CSMD3: variants seen among roughly 807,000 people sequenced by gnomAD.
CSMD3 encodes the protein CUB and sushi domain-containing protein 3.
Under a neutral mutation model 435.2 loss-of-function variants are expected in CSMD3, and 177 were observed. That is an observed-to-expected ratio of 0.41 (90% CI 0.36 to 0.46). The LOEUF (loss-of-function observed/expected upper bound fraction) is 0.46, where lower values mean the gene tolerates loss of function less well. Among genes scored for constraint, CSMD3 ranks in the 20% least tolerant of loss-of-function variants. CSMD3 has a pLI of 0.34. For synonymous variants in CSMD3, 1,656 were observed against 1,520.5 expected, an observed-to-expected ratio of 1.09 and a Z score of -2.07; for missense variants, 4,265 against 4,504.6, an observed-to-expected ratio of 0.95 and a Z score of 1.52.
chr8:113,324,574 G>A (rs1002307305), intron 1 of CSMD3, among the ~76,000 whole-genome samples: 7 of 152,146 alleles, frequency 4.6e-5, no homozygotes, highest in African/African-American at 1.7e-4. Flanking sequence ...GATAACACCT[G>A]GCTGCCCAGC....
intron 10 of CSMD3, among the ~76,000 whole-genome samples, chr8:112,908,277 T>C (rs1002972016): frequency 2.0e-5 from 3 of 151,524 alleles, no homozygotes; most frequent in East Asian, 1.9e-4. Flanking sequence ...TGTGTATACA[T>C]ACATGTCTTT....
chr8:112,824,251 T>C (rs1275255300), intron 12 of CSMD3, among the ~76,000 whole-genome samples: 2 of 152,194 alleles, frequency 1.3e-5, no homozygotes, highest in Non-Finnish European at 2.9e-5. Flanking sequence ...CTTGACTCTT[T>C]ATCCAATTTG....
intron 1 of CSMD3, among the ~76,000 whole-genome samples, chr8:113,381,367 G>A (rs1029845451): frequency 2.6e-5 from 4 of 152,062 alleles, no homozygotes; most frequent in African/African-American, 7.2e-5. Flanking sequence ...AACAGATCTA[G>A]GTTTTTAAAG....
At chr8:112,691,312 T>A (rs1022068705) in intron 13 of CSMD3, among the ~76,000 whole-genome samples, 1 of 152,126 alleles carries the variant, frequency 6.6e-6, no homozygotes, top group Non-Finnish European at 1.5e-5. Context: ...GGTCTATAAC[T>A]TTTTTCTTCT....
intron 61 of CSMD3, among the ~76,000 whole-genome samples, chr8:112,262,793 A>C (rs1158305917): frequency 6.6e-6 from 1 of 152,074 alleles, no homozygotes; most frequent in Non-Finnish European, 1.5e-5. Flanking sequence ...GATATGATGA[A>C]ATCAGAGGAA....
At chr8:112,318,035 C>T (rs1005314205) in intron 47 of CSMD3, among the ~76,000 whole-genome samples, 4 of 152,042 alleles carry the variant, frequency 2.6e-5, no homozygotes, top group African/African-American at 7.2e-5. Context: ...GTTTTTTGAA[C>T]ATCACAGCTT....
intron 11 of CSMD3, among the ~76,000 whole-genome samples, chr8:112,839,533 C>A (rs889752417): frequency 1.3e-5 from 2 of 151,546 alleles, no homozygotes. Flanking sequence ...GAAGAAAATC[C>A]TTGCAGATAA....
intron 27 of CSMD3, among the ~76,000 whole-genome samples, chr8:112,544,117 A>C (rs942285660): frequency 1.3e-5 from 2 of 152,186 alleles, no homozygotes; most frequent in Non-Finnish European, 2.9e-5. Flanking sequence ...ATTTCAGTTT[A>C]GCAATATAAA....
intron 3 of CSMD3, among the ~76,000 whole-genome samples, chr8:113,277,737 G>A (rs903901485): frequency 6.6e-6 from 1 of 151,770 alleles, no homozygotes; most frequent in Non-Finnish European, 1.5e-5. Flanking sequence ...ATCCCTATGG[G>A]GAAGAAAAGG....
intron 42 of CSMD3, among the ~76,000 whole-genome samples, chr8:112,339,066 A>C (rs917930533): frequency 5.9e-5 from 9 of 151,932 alleles, no homozygotes; most frequent in Non-Finnish European, 1.2e-4. Flanking sequence ...GAAAACCCTA[A>C]CTTTCCACAA....
intron 10 of CSMD3, among the ~76,000 whole-genome samples, chr8:112,918,061 A>G (rs150035719): frequency 6.6e-6 from 1 of 152,066 alleles, no homozygotes; most frequent in East Asian, 1.9e-4. Flanking sequence ...ACTTGTAAAC[A>G]AGTCTATTAT....
intron 28 of CSMD3, among the ~76,000 whole-genome samples, chr8:112,515,644 T>A (rs1823592102): frequency 6.6e-6 from 1 of 152,034 alleles, no homozygotes; most frequent in Non-Finnish European, 1.5e-5. Flanking sequence ...TACAGCTAAA[T>A]CTGAACTGTT....
chr8:112,825,911 C>T (rs1233884560), intron 12 of CSMD3, among the ~76,000 whole-genome samples: 1 of 151,836 alleles, frequency 6.6e-6, no homozygotes, highest in African/African-American at 2.4e-5. Flanking sequence ...TCTGGTCTGC[C>T]TGGATTGCCC....
intron 13 of CSMD3, among the ~76,000 whole-genome samples, chr8:112,697,405 G>T (rs947919346): frequency 4.4e-4 from 67 of 152,190 alleles, no homozygotes; most frequent in Middle Eastern, 6.8e-3. Flanking sequence ...CCATAAAAAA[G>T]GATGAGTTCA....
chr8:113,413,106 C>A (rs1250950649), intron 1 of CSMD3, among the ~76,000 whole-genome samples: 1 of 152,090 alleles, frequency 6.6e-6, no homozygotes, highest in African/African-American at 2.4e-5. Context: ...CTTTGGCCAA[C>A]TTTCAGTTTA....
At chr8:112,865,686 C>CACA (rs1564039948) in intron 10 of CSMD3, among the ~76,000 whole-genome samples, 1,852 of 43,192 alleles carry the variant, frequency 0.043, 42 homozygotes, top group African/African-American at 0.11. Context: ...TTTACATACC[C>CACA]CACACACACA....
At chr8:112,304,620 C>T (rs1046460082) in intron 52 of CSMD3, 101 bp downstream of exon 52, 7 of 878,132 alleles carry the variant, frequency 8.0e-6, no homozygotes, top group Non-Finnish European at 1.3e-5. Flanking sequence ...TTAGTAATGT[C>T]ATCCAATTAT....
intron 3 of CSMD3, among the ~76,000 whole-genome samples, chr8:113,259,346 C>A (rs1588391390): frequency 6.6e-6 from 1 of 152,066 alleles, no homozygotes; most frequent in South Asian, 2.1e-4. Context: ...GAGATATTGT[C>A]CTATAAGAGG....
At chr8:112,438,977 T>C (rs1814685096) in intron 32 of CSMD3, among the ~76,000 whole-genome samples, 1 of 152,172 alleles carries the variant, frequency 6.6e-6, no homozygotes. Context: ...TCTTGTACTC[T>C]TGCTAATTTT....
Sources: allele counts gnomAD v4.1 joint callset (sites outside exome capture counted in the v4.1 genomes callset), GRCh38; gene constraint gnomAD v4.1.1; transcripts MANE v1.5; gene names NCBI Gene and HGNC (gene_info 2026-07-23, HGNC 2026-07-21).